The following ADARB1 variants were observed in gnomAD, a reference collection of about 807,000 sequenced individuals.
ADARB1 encodes adenosine deaminase RNA specific B1.
In ADARB1, 10 loss-of-function variants were observed where a neutral mutation model predicts 52.4. The observed-to-expected ratio is 0.19, with a 90% confidence interval of 0.12 to 0.32. The LOEUF (loss-of-function observed/expected upper bound fraction) is 0.32, where lower values mean the gene tolerates loss of function less well. ADARB1 is among the 10% of genes least tolerant of loss of function. The pLI is 1.00. For synonymous variants in ADARB1, 349 were observed against 371.1 expected (o/e 0.94, Z 0.68); for missense variants, 643 against 922.3 (o/e 0.70, Z 3.92).
intron 1 of ADARB1, among the ~76,000 whole-genome samples, chr21:45,113,443 CTATATA>C (rs1264493331): frequency 1.3e-5 from 2 of 148,174 alleles, no homozygotes; most frequent in South Asian, 4.3e-4. Context: ...CAAAACAAAA[CTATATA>C]TATATATGTG....
intron 1 of ADARB1, among the ~76,000 whole-genome samples, chr21:45,088,785 C>A (rs2086446585): frequency 6.6e-6 from 1 of 152,224 alleles, no homozygotes; most frequent in Admixed American, 6.5e-5. Flanking sequence ...CCTGGGCGAT[C>A]AAGATCAGCA....
chr21:45,100,832 AGGGCCAGCG>A (rs1310396969), intron 1 of ADARB1: 1 of 152,708 alleles, frequency 6.5e-6, no homozygotes, highest in Non-Finnish European at 1.5e-5. Flanking sequence ...AATGGGCCAC[AGGGCCAGCG>A]GGGCCAGCAG....
chr21:45,178,553 A>G (rs1431966303), intron 4 of ADARB1, among the ~76,000 whole-genome samples: 1 of 152,178 alleles, frequency 6.6e-6, no homozygotes. Flanking sequence ...GCCCTCCCAG[A>G]AGCAGTCCTT....
chr21:45,191,361 A>G (rs1480747335), intron 8 of ADARB1, among the ~76,000 whole-genome samples: 1 of 152,124 alleles, frequency 6.6e-6, no homozygotes, highest in African/African-American at 2.4e-5. Flanking sequence ...TTTCTTCCTG[A>G]ATCTCAGAGA....
chr21:45,139,854 T>C (rs1316352253), intron 2 of ADARB1, among the ~76,000 whole-genome samples: 1 of 152,100 alleles, frequency 6.6e-6, no homozygotes, highest in Non-Finnish European at 1.5e-5. Flanking sequence ...ACCTTTCTTA[T>C]AGAATTTGTT....
intron 1 of ADARB1, among the ~76,000 whole-genome samples, chr21:45,109,911 T>G (rs1159150579): frequency 1.3e-5 from 2 of 152,150 alleles, no homozygotes; most frequent in Non-Finnish European, 2.9e-5. Flanking sequence ...CCTTTCTCTC[T>G]CTTTTTGTCG....
chr21:45,180,878 A>G (rs554223302), intron 5 of ADARB1, among the ~76,000 whole-genome samples: 2 of 152,312 alleles, frequency 1.3e-5, no homozygotes, highest in East Asian at 3.9e-4. Context: ...CGTGGGGAAA[A>G]AAAGCACAAT....
intron 1 of ADARB1, among the ~76,000 whole-genome samples, chr21:45,086,638 C>T (rs1003857446): frequency 8.5e-5 from 13 of 152,330 alleles, no homozygotes; most frequent in South Asian, 4.1e-4. Flanking sequence ...CGGGTTCATC[C>T]GTGTGTTGTA....
intron 1 of ADARB1, among the ~76,000 whole-genome samples, chr21:45,084,984 T>G (rs757934032): frequency 6.6e-6 from 1 of 152,166 alleles, no homozygotes; most frequent in Non-Finnish European, 1.5e-5. Context: ...TGGGACCATG[T>G]GCAGTGAGCC....
chr21:45,163,755 G>C (rs2091105160), intron 2 of ADARB1, among the ~76,000 whole-genome samples: 1 of 152,206 alleles, frequency 6.6e-6, no homozygotes, highest in Admixed American at 6.5e-5. Context: ...GGCCTGCTCG[G>C]GGATGCTGAG....
intron 8 of ADARB1, among the ~76,000 whole-genome samples, chr21:45,194,442 CT>C (rs1361006742): frequency 1.8e-5 from 2 of 112,604 alleles, no homozygotes; most frequent in East Asian, 5.4e-4. Flanking sequence ...TGTTCACCCC[CT>C]CTCACCTCCT....
At chr21:45,075,205 G>A (rs980231758) in intron 1 of ADARB1, among the ~76,000 whole-genome samples, 1 of 149,136 alleles carries the variant, frequency 6.7e-6, no homozygotes, top group Non-Finnish European at 1.5e-5. Context: ...TGCGCCCGGG[G>A]ACCAGAGGCT....
intron 3 of ADARB1, 91 bp from the exon 4 acceptor site, chr21:45,175,639 G>A: frequency 7.6e-7 from 1 of 1,307,596 alleles, no homozygotes; most frequent in Non-Finnish European, 1.1e-6. Context: ...CACTTAACCA[G>A]TTACAAAGAG....
At chr21:45,197,793 A>C (rs2092460261) in intron 8 of ADARB1, among the ~76,000 whole-genome samples, 1 of 152,222 alleles carries the variant, frequency 6.6e-6, no homozygotes, top group East Asian at 1.9e-4. Flanking sequence ...ATAATTACGC[A>C]GAGTGAAAGA....
chr21:45,158,328 T>C (rs1472469191), intron 2 of ADARB1, among the ~76,000 whole-genome samples: 1 of 151,942 alleles, frequency 6.6e-6, no homozygotes, highest in African/African-American at 2.4e-5. Context: ...GCCTCCAGAG[T>C]CCCATCTGAA....
chr21:45,140,365 A>T (rs1601551367), intron 2 of ADARB1, among the ~76,000 whole-genome samples: 1 of 152,268 alleles, frequency 6.6e-6, no homozygotes, highest in African/African-American at 2.4e-5. Flanking sequence ...ACCTTGTCTG[A>T]TGTTGATGTC....
intron 2 of ADARB1, among the ~76,000 whole-genome samples, chr21:45,171,019 G>T (rs1569110504): frequency 1.3e-5 from 2 of 152,206 alleles, no homozygotes; most frequent in African/African-American, 4.8e-5. Context: ...GAGAGAAGTA[G>T]CTAAGTGAGA....
At chr21:45,197,636 T>C (rs2092455543) in intron 8 of ADARB1, among the ~76,000 whole-genome samples, 1 of 152,170 alleles carries the variant, frequency 6.6e-6, no homozygotes, top group African/African-American at 2.4e-5. Context: ...TTCTTTGTAA[T>C]AGACAAAATA....
intron 1 of ADARB1, among the ~76,000 whole-genome samples, chr21:45,092,182 G>A (rs1206315278): frequency 2.0e-5 from 3 of 152,108 alleles, no homozygotes; most frequent in East Asian, 3.9e-4. Flanking sequence ...CTGGGCCGTC[G>A]GTTCAGAAGG....
Sources: gnomAD v4.1 joint callset for allele counts (sites outside exome capture counted in the v4.1 genomes callset) on GRCh38, gnomAD v4.1.1 for gene constraint, MANE v1.5 for transcripts, NCBI Gene and HGNC (gene_info 2026-07-23, HGNC 2026-07-21) for gene names.